AGMO: variants seen among roughly 807,000 people sequenced by gnomAD.
The protein encoded by AGMO is glyceryl-ether monooxygenase.
AGMO carries 75 observed loss-of-function variants against 60.2 expected under a neutral mutation model. That is an observed-to-expected ratio of 1.25 (90% CI 1.03 to 1.51). The LOEUF is 1.51. Among genes scored for constraint, AGMO ranks in the 40% most tolerant of loss-of-function variants. The probability of loss-of-function intolerance (pLI) is 0.00; values close to 1 mark genes in which losing one functional copy is unlikely to be tolerated. For missense variants in AGMO, 763 were observed against 525.5 expected (o/e 1.45, Z -4.42); for synonymous variants, 261 against 177.1 (o/e 1.47, Z -3.76).
intron 12 of AGMO, among the ~76,000 whole-genome samples, chr7:15,324,532 G>T (rs1298224613): frequency 2.6e-5 from 4 of 151,976 alleles, no homozygotes; most frequent in Non-Finnish European, 5.9e-5. Context: ...CCCCTACATG[G>T]CCAGAGGCCC....
intron 12 of AGMO, among the ~76,000 whole-genome samples, chr7:15,274,656 T>C (rs894222670): frequency 1.3e-5 from 2 of 152,032 alleles, no homozygotes; most frequent in African/African-American, 4.8e-5. Context: ...ACTTTGTACA[T>C]TTGGTAGAAG....
At chr7:15,363,477 C>A (rs558569086) in intron 12 of AGMO, among the ~76,000 whole-genome samples, 3 of 152,246 alleles carry the variant, frequency 2.0e-5, no homozygotes, top group South Asian at 2.1e-4. Flanking sequence ...TACAGACGAG[C>A]AAAGCAAGAC....
At chr7:15,383,889 T>G (rs1056246808) in intron 10 of AGMO, among the ~76,000 whole-genome samples, 1 of 152,186 alleles carries the variant, frequency 6.6e-6, no homozygotes, top group Non-Finnish European at 1.5e-5. Flanking sequence ...TCTGTTTATG[T>G]ATTGACTTTA....
chr7:15,243,501 C>T (rs1031206675), intron 12 of AGMO, among the ~76,000 whole-genome samples: 40 of 152,090 alleles, frequency 2.6e-4, no homozygotes, highest in African/African-American at 9.2e-4. Flanking sequence ...TGGCGTATGA[C>T]GGATAGCTAT....
intron 3 of AGMO, among the ~76,000 whole-genome samples, chr7:15,459,532 T>C (rs1227133539): frequency 3.3e-5 from 5 of 151,484 alleles, no homozygotes; most frequent in Non-Finnish European, 7.4e-5. Context: ...AATCTCAAAA[T>C]AATTATTTTC....
At chr7:15,371,180 AC>A (rs1783196858) in intron 10 of AGMO, among the ~76,000 whole-genome samples, 1 of 152,102 alleles carries the variant, frequency 6.6e-6, no homozygotes, top group South Asian at 2.1e-4. Flanking sequence ...AAACATTAAT[AC>A]AATTAATCAA....
At chr7:15,461,975 C>A (rs1440443710) in intron 3 of AGMO, among the ~76,000 whole-genome samples, 1 of 151,964 alleles carries the variant, frequency 6.6e-6, no homozygotes, top group African/African-American at 2.4e-5. Context: ...CCAAATAATT[C>A]ATAATATTTC....
intron 1 of AGMO, 64 bp downstream of exon 1, chr7:15,561,656 T>C (rs1389470636): frequency 3.4e-6 from 5 of 1,451,498 alleles, no homozygotes; most frequent in Non-Finnish European, 4.6e-6. Context: ...CCTAAGGAGA[T>C]TGACCTTACC....
At chr7:15,334,382 T>C (rs1781587996) in intron 12 of AGMO, among the ~76,000 whole-genome samples, 1 of 152,002 alleles carries the variant, frequency 6.6e-6, no homozygotes, top group Admixed American at 6.6e-5. Flanking sequence ...AGTAGTCCTG[T>C]CTTTGGGTCA....
At chr7:15,506,646 T>C (rs1049370151) in intron 3 of AGMO, among the ~76,000 whole-genome samples, 3 of 152,050 alleles carry the variant, frequency 2.0e-5, no homozygotes, top group Non-Finnish European at 2.9e-5. Flanking sequence ...GGCAATTCTA[T>C]TGTACCTGAA....
At chr7:15,381,746 C>G (rs1002816886) in intron 10 of AGMO, among the ~76,000 whole-genome samples, 1 of 152,076 alleles carries the variant, frequency 6.6e-6, no homozygotes, top group African/African-American at 2.4e-5. Context: ...ACACTATTCA[C>G]AATATCAAAG....
chr7:15,547,441 C>T (rs943076022), intron 2 of AGMO, among the ~76,000 whole-genome samples: 5 of 152,046 alleles, frequency 3.3e-5, no homozygotes, highest in African/African-American at 9.7e-5. Flanking sequence ...AGACAGTGGG[C>T]GCAGGTCAGT....
At chr7:15,521,894 G>A (rs1784000264) in intron 3 of AGMO, among the ~76,000 whole-genome samples, 1 of 152,174 alleles carries the variant, frequency 6.6e-6, no homozygotes, top group Non-Finnish European at 1.5e-5. Context: ...AATAGGAAGA[G>A]AGGAAGTCAA....
intron 12 of AGMO, among the ~76,000 whole-genome samples, chr7:15,290,950 A>G (rs1350433551): frequency 6.6e-6 from 1 of 152,194 alleles, no homozygotes; most frequent in Non-Finnish European, 1.5e-5. Flanking sequence ...ATAATATATT[A>G]GGATGGATAA....
intron 12 of AGMO, among the ~76,000 whole-genome samples, chr7:15,223,433 A>C (rs2128497546): frequency 6.6e-6 from 1 of 152,132 alleles, no homozygotes; most frequent in South Asian, 2.1e-4. Context: ...ATTTTCATAT[A>C]GATATAAGAA....
intron 12 of AGMO, among the ~76,000 whole-genome samples, chr7:15,303,719 T>C (rs1780523291): frequency 6.6e-6 from 1 of 152,110 alleles, no homozygotes; most frequent in Non-Finnish European, 1.5e-5. Context: ...GGGAACTTGA[T>C]ACAAGCTATG....
chr7:15,289,625 A>G (rs191067536), intron 12 of AGMO, among the ~76,000 whole-genome samples: 5 of 152,172 alleles, frequency 3.3e-5, no homozygotes, highest in East Asian at 3.9e-4. Context: ...AATAGATATT[A>G]TAAGTTTATC....
At chr7:15,530,630 A>G (rs557344521) in intron 3 of AGMO, among the ~76,000 whole-genome samples, 79 of 135,992 alleles carry the variant, frequency 5.8e-4, no homozygotes, top group African/African-American at 1.7e-3. Context: ...TATATTCTAT[A>G]TACGTATTTC....
chr7:15,247,525 A>C (rs1782784427), intron 12 of AGMO, among the ~76,000 whole-genome samples: 1 of 151,702 alleles, frequency 6.6e-6, no homozygotes, highest in South Asian at 2.1e-4. Flanking sequence ...ACACATATGA[A>C]TAGCCACTGC....
Sources: gnomAD v4.1 joint callset for allele counts (sites outside exome capture counted in the v4.1 genomes callset) on GRCh38, gnomAD v4.1.1 for gene constraint, MANE v1.5 for transcripts, NCBI Gene and HGNC (gene_info 2026-07-23, HGNC 2026-07-21) for gene names.